GALNT13: variants seen among roughly 807,000 people sequenced by gnomAD.
GALNT13 encodes UDP-GalNAc:polypeptide N-acetylgalactosaminyltransferase 13.
GALNT13 carries 28 observed loss-of-function variants against 64.2 expected under a neutral mutation model. That is an observed-to-expected ratio of 0.44 (90% confidence interval 0.32 to 0.60). GALNT13 has a LOEUF of 0.60. Ranked by LOEUF, GALNT13 falls within the 20% of genes least tolerant of loss-of-function variation. The pLI is 0.05. For synonymous variants in GALNT13, 214 were observed against 224.6 expected (o/e 0.95, Z 0.42); for missense variants, 577 against 669.8 (o/e 0.86, Z 1.53).
chr2:153,584,666 G>A, the GALNT13 span, among the ~76,000 whole-genome samples: 7 of 152,166 alleles, frequency 4.6e-5, no homozygotes, highest in African/African-American at 7.2e-5. Context: ...ACCAACAAAG[G>A]TGCCAGCATA....
At chr2:153,595,726 A>G in the GALNT13 span, among the ~76,000 whole-genome samples, 1 of 152,254 alleles carries the variant, frequency 6.6e-6, no homozygotes, top group African/African-American at 2.4e-5. Flanking sequence ...GAAAAACTCT[A>G]AGTAAAATAT....
At chr2:153,375,800 G>T in the GALNT13 span, among the ~76,000 whole-genome samples, 1 of 152,032 alleles carries the variant, frequency 6.6e-6, no homozygotes, top group Non-Finnish European at 1.5e-5. Flanking sequence ...TTGTCCATAG[G>T]TATTTCTAAA....
chr2:153,877,562 G>C (rs1686468160), intron 1 of GALNT13, among the ~76,000 whole-genome samples: 1 of 151,912 alleles, frequency 6.6e-6, no homozygotes, highest in South Asian at 2.1e-4. Context: ...CCTCTTTTTT[G>C]TTAATAAAGT....
the GALNT13 span, among the ~76,000 whole-genome samples, chr2:153,694,818 C>G: frequency 6.6e-6 from 1 of 152,040 alleles, no homozygotes; most frequent in African/African-American, 2.4e-5. Context: ...GTCTAAGATA[C>G]TATGTCCGGA....
At chr2:154,232,868 A>G (rs1323841195) in intron 4 of GALNT13, among the ~76,000 whole-genome samples, 2 of 149,984 alleles carry the variant, frequency 1.3e-5, no homozygotes, top group Non-Finnish European at 3.0e-5. Context: ...CTTTGTCGCT[A>G]CAAAAAAAAA....
chr2:154,346,691 T>G lies in GALNT13; in HGVS notation c.1156+45102T>G, dbSNP rs528130746. 9.2e-5 allele frequency among the ~76,000 whole-genome samples: 14 copies of G among 152,246 alleles called. No homozygotes were observed. In the South Asian group the frequency reaches 2.1e-3, roughly 23 times the overall value. On this transcript the variant is annotated intron_variant, in intron 9 of 12. Transcript: ENST00000392825. ...TCTTTCCTTTATAAATTACCCAGTCTCAGATATGTCTTTATTAGCAGCATG... is the reference window on the plus strand; with the variant it reads ...TCTTTCCTTTATAAATTACCCAGTCGCAGATATGTCTTTATTAGCAGCATG...
the GALNT13 span, among the ~76,000 whole-genome samples, chr2:153,515,408 GC>G: frequency 4.9e-4 from 74 of 152,062 alleles, no homozygotes; most frequent in Non-Finnish European, 7.9e-4. Context: ...AAACCTTCTG[GC>G]TTTATCTGCG....
the GALNT13 span, among the ~76,000 whole-genome samples, chr2:153,736,016 C>T: frequency 6.6e-6 from 1 of 152,114 alleles, no homozygotes; most frequent in African/African-American, 2.4e-5. Flanking sequence ...GTAAACATTC[C>T]ATGCCTTATC....
chr2:153,206,245 A>T, the GALNT13 span, among the ~76,000 whole-genome samples: 1 of 152,054 alleles, frequency 6.6e-6, no homozygotes, highest in Non-Finnish European at 1.5e-5. Context: ...AATTTGGTGT[A>T]AATTGAATCT....
the GALNT13 span, among the ~76,000 whole-genome samples, chr2:153,781,840 C>T: frequency 6.6e-6 from 1 of 152,074 alleles, no homozygotes; most frequent in African/African-American, 2.4e-5. Context: ...GACATCACTT[C>T]CAATTAATAG....
At position 154,281,421 on chromosome 2, in the gene GALNT13, G is replaced by A. The variant is rs182767673; in HGVS notation, c.976-19988G>A. ...GAAATATCAGCAGCCCTAATAAGAT[G>A]TGGAGTAATGACATGTAACAATTTT... On this transcript the variant is annotated intron_variant, in intron 8 of 12. Transcript: ENST00000392825. Among the ~76,000 whole-genome samples, 216 of 152,264 alleles carry A rather than the reference G, an allele frequency of 1.4e-3. 1 individual carries two copies. Among genetic ancestry groups the A allele is most frequent in the African/African-American group, 5.1e-3 (211 of 41,560 alleles).
chr2:153,316,980 A>G, the GALNT13 span, among the ~76,000 whole-genome samples: 1 of 152,192 alleles, frequency 6.6e-6, no homozygotes, highest in African/African-American at 2.4e-5. Flanking sequence ...ACTTATCACT[A>G]TAAATAATAA....
At chr2:153,992,214 C>A (rs1695203948) in intron 3 of GALNT13, among the ~76,000 whole-genome samples, 1 of 152,012 alleles carries the variant, frequency 6.6e-6, no homozygotes, top group African/African-American at 2.4e-5. Flanking sequence ...TTAAATATTT[C>A]AGTATTGTGA....
At chr2:153,889,584 A>G (rs560900743) in intron 1 of GALNT13, among the ~76,000 whole-genome samples, 43 of 152,164 alleles carry the variant, frequency 2.8e-4, no homozygotes, top group East Asian at 5.8e-4. Flanking sequence ...CCATTTTACT[A>G]TAATTCACTA....
intron 3 of GALNT13, among the ~76,000 whole-genome samples, chr2:154,051,872 T>G (rs997124459): frequency 6.6e-6 from 1 of 152,206 alleles, no homozygotes; most frequent in African/African-American, 2.4e-5. Context: ...TATTGTCTTA[T>G]CCTAACTCTG....
At chr2:153,725,466 AT>A in the GALNT13 span, among the ~76,000 whole-genome samples, 28 of 149,130 alleles carry the variant, frequency 1.9e-4, no homozygotes, top group Non-Finnish European at 2.5e-4. Flanking sequence ...TTAAAAAAAA[AT>A]AATAATAATA....
chr2:154,260,026 G>C (rs142127363), intron 8 of GALNT13, among the ~76,000 whole-genome samples: 1 of 152,164 alleles, frequency 6.6e-6, no homozygotes, highest in African/African-American at 2.4e-5. Flanking sequence ...GGGACTAGAG[G>C]TGTGCAACAC....
the GALNT13 span, among the ~76,000 whole-genome samples, chr2:153,658,487 C>T: frequency 1.3e-5 from 2 of 152,108 alleles, no homozygotes; most frequent in African/African-American, 4.8e-5. Context: ...CCAACTATAG[C>T]AGGGTCTTGG....
intron 9 of GALNT13, among the ~76,000 whole-genome samples, chr2:154,383,704 T>C (rs986316563): frequency 7.9e-5 from 12 of 151,924 alleles, no homozygotes; most frequent in African/African-American, 2.7e-4. Flanking sequence ...TGTTATGATA[T>C]TCTTTTATCA....
Sources: allele counts gnomAD v4.1 joint callset (sites outside exome capture counted in the v4.1 genomes callset), GRCh38; gene constraint gnomAD v4.1.1; transcripts MANE v1.5; gene names NCBI Gene and HGNC (gene_info 2026-07-23, HGNC 2026-07-21).